MBNL2: variants seen among roughly 807,000 people sequenced by gnomAD.
MBNL2 encodes muscleblind like splicing regulator 2, also known as muscleblind-like protein 2.
Under a neutral mutation model 41.9 loss-of-function variants are expected in MBNL2, and 17 were observed. The observed-to-expected ratio is 0.41, with a 90% confidence interval of 0.28 to 0.61. The LOEUF (loss-of-function observed/expected upper bound fraction) is 0.61, where lower values mean the gene tolerates loss of function less well. Among genes scored for constraint, MBNL2 ranks in the 20% least tolerant of loss-of-function variants. The probability of loss-of-function intolerance (pLI) is 0.35; values close to 1 mark genes in which losing one functional copy is unlikely to be tolerated. For synonymous variants in MBNL2, 195 were observed against 182.9 expected (o/e 1.07, Z -0.53); for missense variants, 336 against 505.6 (o/e 0.66, Z 3.22).
In MBNL2 at chr13:97,224,199, G is replaced by A. The variant is rs74735898; in HGVS notation, c.-605+1668G>A. ...GCCCAGCGCTGCCACCTGGGTGGAT[G>A]GTCCCCGGGGCCCTATTCCCAGTTG... On this transcript the variant is annotated intron_variant, in intron 1 of 8. Coordinates refer to ENST00000679496, the MANE Select transcript of MBNL2 (RefSeq NM_001382683.1). 7.1e-3 allele frequency among the ~76,000 whole-genome samples: 1,088 copies of A among 152,294 alleles called. 7 individuals carry two copies. Among genetic ancestry groups the A allele is most frequent in the Middle Eastern group, 0.01 (3 of 294 alleles).
At chr13:97,215,747 T>C in the MBNL2 span, among the ~76,000 whole-genome samples, 6 of 152,214 alleles carry the variant, frequency 3.9e-5, no homozygotes, top group Middle Eastern at 3.2e-3. Flanking sequence ...AACAATTAGG[T>C]ATTATTTTTG....
Position 97,334,175 on chromosome 13 carries a change from C to G in MBNL2, c.175-101C>G, listed in dbSNP as rs572750395. 3.8e-4 allele frequency: 331 copies of G among 879,234 alleles called. 3 individuals carry two copies. The South Asian group carries it at 5.2e-3, about 14-fold the overall frequency. 54.5% of individuals were successfully genotyped at this position (879,234 alleles called of 1,614,324 possible). A position where few individuals can be genotyped will look rare whatever the true frequency, so the allele number is the denominator to read the frequency against. Reference sequence around the variant, plus strand: ...ACACACACACACACACACACACACACAGGATCCTTGCTTTTGTGCATAAGA... The same window carrying G: ...ACACACACACACACACACACACACAGAGGATCCTTGCTTTTGTGCATAAGA... On this transcript the variant is annotated intron_variant, in intron 2 of 8. Coordinates refer to ENST00000679496, the MANE Select transcript of MBNL2 (RefSeq NM_001382683.1). This position sits in a 1 kb window ranked among gnomAD's most constrained non-coding sequence, Gnocchi z 5.3.
chr13:97,272,205 G>A (rs1403931071), intron 1 of MBNL2, among the ~76,000 whole-genome samples: 1 of 151,928 alleles, frequency 6.6e-6, no homozygotes, highest in Non-Finnish European at 1.5e-5. Context: ...CATGTTTGTT[G>A]GCTGCGTAAA....
At chr13:97,180,363 T>C in the MBNL2 span, among the ~76,000 whole-genome samples, 22 of 152,234 alleles carry the variant, frequency 1.4e-4, 1 homozygote, top group East Asian at 4.2e-3. Context: ...CAGAAGTCAT[T>C]TGGATATACA....
At chr13:97,246,683 A>G (rs1282582588) in intron 1 of MBNL2, among the ~76,000 whole-genome samples, 3 of 152,164 alleles carry the variant, frequency 2.0e-5, no homozygotes, top group Admixed American at 1.3e-4. Context: ...CCCACCCCGA[A>G]GAGGCATTTT....
chr13:97,361,194 C>T (rs912628443), intron 7 of MBNL2, among the ~76,000 whole-genome samples: 6 of 152,188 alleles, frequency 3.9e-5, no homozygotes, highest in Non-Finnish European at 5.9e-5. Context: ...ATGAATTCTG[C>T]CTTCAGCATG....
At chr13:97,212,023 A>G in the MBNL2 span, among the ~76,000 whole-genome samples, 1 of 152,306 alleles carries the variant, frequency 6.6e-6, no homozygotes, top group East Asian at 1.9e-4. Context: ...CTCCAAGCTT[A>G]TGGTGGCTGA....
At chr13:97,236,554 G>A (rs2043315104) in intron 1 of MBNL2, among the ~76,000 whole-genome samples, 1 of 150,642 alleles carries the variant, frequency 6.6e-6, no homozygotes, top group Non-Finnish European at 1.5e-5. Flanking sequence ...TAAAAATGTA[G>A]CTGGCTACCT....
intron 2 of MBNL2, among the ~76,000 whole-genome samples, chr13:97,302,826 G>A (rs1031149842): frequency 1.3e-5 from 2 of 152,220 alleles, no homozygotes; most frequent in African/African-American, 2.4e-5. Flanking sequence ...GGCAGGCAGA[G>A]AGTGAAAAGG....
chr13:97,382,679 T>TC (rs2065575400), intron 8 of MBNL2, among the ~76,000 whole-genome samples: 1 of 151,448 alleles, frequency 6.6e-6, no homozygotes, highest in Non-Finnish European at 1.5e-5. Flanking sequence ...ACTATTTTTT[T>TC]TTTTTTTTTT....
At chr13:97,217,095 T>C (rs1331491969), upstream of MBNL2, among the ~76,000 whole-genome samples, 1 of 148,440 alleles carries the variant, frequency 6.7e-6, no homozygotes, top group Non-Finnish European at 1.5e-5. Context: ...ATATATGATA[T>C]ATACATATCA....
At chr13:97,157,061 T>G in the MBNL2 span, among the ~76,000 whole-genome samples, 1 of 148,460 alleles carries the variant, frequency 6.7e-6, no homozygotes, top group African/African-American at 2.5e-5. Context: ...GTATCCTCTT[T>G]TATTTCCTTG....
At chr13:97,242,266 G>A (rs907206774) in intron 1 of MBNL2, among the ~76,000 whole-genome samples, 4 of 152,114 alleles carry the variant, frequency 2.6e-5, no homozygotes, top group Non-Finnish European at 5.9e-5. Context: ...AGGAGGGAGC[G>A]GGCACGTGGC....
chr13:97,288,817 G>A (rs2055200121), intron 2 of MBNL2, among the ~76,000 whole-genome samples: 1 of 152,154 alleles, frequency 6.6e-6, no homozygotes, highest in Admixed American at 6.5e-5. Context: ...CCTGAGCACT[G>A]ACCTTTGGGA....
chr13:97,320,345 C>T (rs1412493195), intron 2 of MBNL2, among the ~76,000 whole-genome samples: 2 of 151,518 alleles, frequency 1.3e-5, no homozygotes, highest in Non-Finnish European at 2.9e-5. Context: ...CTGCAACCTC[C>T]GCCTCCCGGG....
chr13:97,317,262 G>A (rs1008678967), intron 2 of MBNL2, among the ~76,000 whole-genome samples: 6 of 152,182 alleles, frequency 3.9e-5, no homozygotes, highest in Admixed American at 3.9e-4. Context: ...CTGCTGAACT[G>A]TCTGTGGATC....
chr13:97,163,579 G>C, the MBNL2 span, among the ~76,000 whole-genome samples: 1 of 152,320 alleles, frequency 6.6e-6, no homozygotes, highest in African/African-American at 2.4e-5. Context: ...TGAGCAGATG[G>C]TAGGAGAAGA....
rs1197020986 is a variant in MBNL2, at chr13:97,287,926, TTTGTTTTGTTTTG to T, written c.174+11520_174+11532del. 2.2e-3 allele frequency among the ~76,000 whole-genome samples: 212 copies of T among 95,948 alleles called. 9 individuals carry two copies. The highest frequency in any genetic ancestry group is 6.5e-3 in the African/African-American group (193 of 29,918). 62.9% of individuals were successfully genotyped at this position (95,948 alleles called of 152,430 possible). ...GGCCCGGCTAATTTTCTGTTTTTTT[TTTGTTTTGTTTTG>T]TTTTTTTTTTTTTTAGTAGAGATGG... On this transcript the variant is annotated intron_variant, in intron 2 of 8. Transcript: ENST00000679496.
At chr13:97,367,336 C>G (rs1026902918) in intron 8 of MBNL2, among the ~76,000 whole-genome samples, 4 of 152,188 alleles carry the variant, frequency 2.6e-5, no homozygotes, top group Non-Finnish European at 5.9e-5. Context: ...AAGGAGACAG[C>G]GTGAGGGTGA....
Sources: gnomAD v4.1 joint callset for allele counts (sites outside exome capture counted in the v4.1 genomes callset) on GRCh38, gnomAD v4.1.1 for gene constraint, Gnocchi (gnomAD v3.1) non-coding constraint, MANE v1.5 for transcripts, NCBI Gene and HGNC (gene_info 2026-07-23, HGNC 2026-07-21) for gene names.